KIAA1217: variants seen among roughly 807,000 people sequenced by gnomAD.
KIAA1217 encodes the protein sickle tail protein homolog.
In KIAA1217, 88 loss-of-function variants were observed where a neutral mutation model predicts 163.9. That is an observed-to-expected ratio of 0.54 (90% confidence interval 0.45 to 0.64). KIAA1217 has a LOEUF of 0.64. Ranked by LOEUF, KIAA1217 falls within the 30% of genes least tolerant of loss-of-function variation. The pLI is 0.00. For synonymous variants in KIAA1217, 903 were observed against 923.1 expected, an observed-to-expected ratio of 0.98 and a Z score of 0.39; for missense variants, 2,372 against 2,475.0, an observed-to-expected ratio of 0.96 and a Z score of 0.88.
At chr10:24,202,759 G>A (rs996990026) in intron 2 of KIAA1217, among the ~76,000 whole-genome samples, 3 of 152,218 alleles carry the variant, frequency 2.0e-5, no homozygotes, top group Non-Finnish European at 4.4e-5. Flanking sequence ...TCAGTGACTA[G>A]AGCAGGCGCC....
At chr10:23,978,776 A>C (rs1170856106) in intron 1 of KIAA1217, among the ~76,000 whole-genome samples, 1 of 152,218 alleles carries the variant, frequency 6.6e-6, no homozygotes, top group Non-Finnish European at 1.5e-5. Flanking sequence ...CAAAATAACT[A>C]TAAATAGAAG....
chr10:24,176,966 G>A lies in KIAA1217; in HGVS notation c.-170-42660G>A, dbSNP rs181785332. On this transcript the variant is annotated intron_variant, in intron 2 of 18. Coordinates refer to the KIAA1217 transcript ENST00000376462. The stretch of plus-strand genomic sequence containing the variant: ...GCACACCCTCTGCAGTTGCTGGCCC[G>A]GGTGCTAAGTCCCTCACTGCCCGGG... Among the ~76,000 whole-genome samples, 172 of 152,136 alleles carry A rather than the reference G, an allele frequency of 1.1e-3. 2 individuals carry two copies. The East Asian group carries it at 0.012, about 11-fold the overall frequency.
Position 23,923,608 on chromosome 10 carries a change from C to T in KIAA1217, c.-320-83617C>T, listed in dbSNP as rs183823168. On this transcript the variant is annotated intron_variant, in intron 1 of 18. Transcript: ENST00000376462. The stretch of plus-strand genomic sequence containing the variant: ...CAGAAGCAGAGATGGAGAGATGTGT[C>T]GGAAGAAGGAGGAAGGGGTTGCAAG... Among the ~76,000 whole-genome samples the T allele has an allele frequency of 1.8e-3, 275 of 150,396 alleles. 1 individual carries two copies. The highest frequency in any genetic ancestry group is 6.6e-3 in the African/African-American group (262 of 39,996).
At chr10:24,221,286 C>T (rs187661204) in intron 2 of KIAA1217, among the ~76,000 whole-genome samples, 46 of 147,540 alleles carry the variant, frequency 3.1e-4, no homozygotes, top group African/African-American at 1.0e-3. Flanking sequence ...ACCTCACTGG[C>T]GAGTTACCAG....
intron 1 of KIAA1217, among the ~76,000 whole-genome samples, chr10:23,717,457 G>T (rs955837200): frequency 6.6e-6 from 1 of 152,034 alleles, no homozygotes; most frequent in Non-Finnish European, 1.5e-5. Flanking sequence ...AACTCACAAG[G>T]CGAGTTTTGG....
At chr10:24,397,932 C>G (rs567042156) in intron 3 of KIAA1217, among the ~76,000 whole-genome samples, 1 of 152,164 alleles carries the variant, frequency 6.6e-6, no homozygotes, top group Non-Finnish European at 1.5e-5. Context: ...GGTTCCTTTA[C>G]TTACCTTGTC....
At chr10:23,855,384 G>A (rs1310158531) in intron 1 of KIAA1217, among the ~76,000 whole-genome samples, 3 of 152,166 alleles carry the variant, frequency 2.0e-5, no homozygotes, top group Non-Finnish European at 2.9e-5. Flanking sequence ...TGAGAGATCC[G>A]CTGTTAGTCT....
chr10:24,517,111 G>A (rs766854948), intron 10 of KIAA1217, among the ~76,000 whole-genome samples: 4 of 151,738 alleles, frequency 2.6e-5, no homozygotes, highest in Admixed American at 6.6e-5. Context: ...TGAGCCTGGC[G>A]GGTCAAGGCT....
intron 2 of KIAA1217, among the ~76,000 whole-genome samples, chr10:24,319,534 A>G (rs531622181): frequency 6.6e-6 from 1 of 152,320 alleles, no homozygotes; most frequent in Admixed American, 6.5e-5. Context: ...ATAGGCGAGA[A>G]GTCAGAAAAA....
At position 24,501,535 on chromosome 10, in the gene KIAA1217, G is replaced by A. The variant is rs770109373; in HGVS notation, c.1991G>A (p.Arg664Gln). 10 of 1,612,762 alleles carry A rather than the reference G, an allele frequency of 6.2e-6. No homozygotes were observed. Among genetic ancestry groups the A allele is most frequent in the East Asian group, 2.2e-5 (1 of 44,814 alleles). The change falls in exon 9 of 21, where the codon CGG becomes CAG. Residue 664 changes from arginine (R) to glutamine (Q), a missense_variant. Arg to Gln is a conservative substitution (Grantham distance 43). Around this residue, in one of 3 missense-constraint regions of KIAA1217, gnomAD observed 1,431 missense variants for 1,470.3 expected, o/e 0.97. Coordinates refer to ENST00000376454, the MANE Select transcript of KIAA1217 (RefSeq NM_019590.5). ...AELRLQLQQM[R>Q]QLQLQNQELL... is the part of the protein sequence containing the mutation. Reference sequence around the variant, plus strand: ...CTCAGGCTCCAGCTCCAGCAGATGCGGCAGCTCCAGGTATTCCTCATGCAC... The same window carrying A: ...CTCAGGCTCCAGCTCCAGCAGATGCAGCAGCTCCAGGTATTCCTCATGCAC...
At chr10:24,503,380 T>C (rs1284484427) in intron 9 of KIAA1217, among the ~76,000 whole-genome samples, 3 of 152,236 alleles carry the variant, frequency 2.0e-5, no homozygotes, top group African/African-American at 7.2e-5. Context: ...CCCCATCCTT[T>C]GCATTAGCTT....
At chr10:24,451,128 G>A (rs987997722) in intron 5 of KIAA1217, among the ~76,000 whole-genome samples, 1 of 152,124 alleles carries the variant, frequency 6.6e-6, no homozygotes, top group Non-Finnish European at 1.5e-5. Context: ...TTGGATAAAC[G>A]ACTCTTCCTT....
intron 1 of KIAA1217, among the ~76,000 whole-genome samples, chr10:23,871,354 C>T (rs1031297997): frequency 1.3e-5 from 2 of 152,066 alleles, no homozygotes; most frequent in Non-Finnish European, 2.9e-5. Context: ...CCAACTGTTA[C>T]TCTGCAGACA....
intron 5 of KIAA1217, among the ~76,000 whole-genome samples, chr10:24,451,938 G>A (rs2061403860): frequency 6.6e-6 from 1 of 152,058 alleles, no homozygotes; most frequent in Non-Finnish European, 1.5e-5. Flanking sequence ...ATACTAGGCT[G>A]TTGTCTACCA....
chr10:24,462,288 G>A (rs1480287076), intron 5 of KIAA1217, among the ~76,000 whole-genome samples: 2 of 152,044 alleles, frequency 1.3e-5, no homozygotes, highest in Non-Finnish European at 1.5e-5. Context: ...CATTCGAGCC[G>A]AAGCCCAGTG....
chr10:24,147,309 T>C (rs2064366512), intron 2 of KIAA1217, among the ~76,000 whole-genome samples: 1 of 152,208 alleles, frequency 6.6e-6, no homozygotes, highest in Non-Finnish European at 1.5e-5. Context: ...TGTCTTTATT[T>C]CCCTAAACAC....
rs546033037 is a variant in KIAA1217 at position 24,334,253 on chromosome 10, C to T, written c.355-46616C>T. Among the ~76,000 whole-genome samples the T allele has an allele frequency of 3.3e-5, 5 of 152,218 alleles. No homozygotes were observed. In the South Asian group the frequency reaches 1.0e-3, roughly 32 times the overall value. On this transcript the variant is annotated intron_variant, in intron 2 of 20. Coordinates refer to ENST00000376454, the MANE Select transcript of KIAA1217 (RefSeq NM_019590.5). ...TTAGTCTATTGCAAGAAAGTTTTCA[C>T]TAGGGGTTGGGCATGGCGGAGCATG... is the stretch of plus-strand genomic sequence containing the variant.
In KIAA1217 at chr10:24,365,366, TATC is replaced by T. The variant is rs200253615; in HGVS notation, c.355-15499_355-15497del. Among the ~76,000 whole-genome samples the T allele has an allele frequency of 7.4e-3, 1,117 of 151,792 alleles. 12 individuals are homozygous for T. The highest frequency in any genetic ancestry group is 0.026 in the African/African-American group (1,064 of 41,274). On this transcript the variant is annotated intron_variant, in intron 2 of 20. Coordinates refer to ENST00000376454, the MANE Select transcript of KIAA1217 (RefSeq NM_019590.5). ...TTCTCCTCCCGCAGCCGGTGTTACT[TATC>T]ATCGCTCTGTGATTTTCTGTGCTTT... is the stretch of plus-strand genomic sequence containing the variant.
chr10:24,028,423 A>T (rs1232870289), intron 2 of KIAA1217, among the ~76,000 whole-genome samples: 1 of 152,162 alleles, frequency 6.6e-6, no homozygotes. Flanking sequence ...TGCCAAGCCT[A>T]AAAAAAGTCA....
Sources: allele counts gnomAD v4.1 joint callset (sites outside exome capture counted in the v4.1 genomes callset), GRCh38; gene constraint gnomAD v4.1.1; regional missense constraint gnomAD v4.1.1; transcripts MANE v1.5; gene names NCBI Gene and HGNC (gene_info 2026-07-23, HGNC 2026-07-21).